Variants in UBE2E2 observed in about 807,000 individuals in gnomAD.
The protein encoded by UBE2E2 is ubiquitin conjugating enzyme E2 E2, also known as ubiquitin-conjugating enzyme E2 E2.
In UBE2E2, 6 loss-of-function variants were observed where a neutral mutation model predicts 24.7. The observed-to-expected ratio is 0.24, with a 90% CI of 0.13 to 0.48. The LOEUF (loss-of-function observed/expected upper bound fraction) is 0.48. Ranked by LOEUF, UBE2E2 falls within the 20% of genes least tolerant of loss-of-function variation. The pLI, the probability that UBE2E2 is intolerant of heterozygous loss-of-function variation, is 0.99. For synonymous variants in UBE2E2, 104 were observed against 83.6 expected, an observed-to-expected ratio of 1.24 and a Z score of -1.33; for missense variants, 169 against 245.0, an observed-to-expected ratio of 0.69 and a Z score of 2.07.
At chr3:23,253,621 C>G (rs2125347780) in intron 3 of UBE2E2, among the ~76,000 whole-genome samples, 1 of 152,148 alleles carries the variant, frequency 6.6e-6, no homozygotes, top group East Asian at 1.9e-4. Flanking sequence ...ATAAGGGGCT[C>G]TAGCTTATGG....
intron 2 of UBE2E2, among the ~76,000 whole-genome samples, chr3:23,214,961 T>C (rs1347952603): frequency 1.3e-5 from 2 of 152,152 alleles, no homozygotes; most frequent in Non-Finnish European, 2.9e-5. Context: ...TGAAGTAATA[T>C]CTTTTGATTC....
intron 3 of UBE2E2, among the ~76,000 whole-genome samples, chr3:23,410,364 T>C (rs1433326539): frequency 1.3e-5 from 2 of 152,180 alleles, no homozygotes; most frequent in Non-Finnish European, 2.9e-5. Context: ...TTTAAATTTT[T>C]CATTGCTCGC....
chr3:23,585,641 G>C (rs553607111), intron 5 of UBE2E2, among the ~76,000 whole-genome samples: 1 of 152,276 alleles, frequency 6.6e-6, no homozygotes, highest in Admixed American at 6.5e-5. Context: ...AACAGAAAAT[G>C]TGGGAGGCTT....
intron 4 of UBE2E2, among the ~76,000 whole-genome samples, chr3:23,517,707 G>A (rs571137934): frequency 6.6e-6 from 1 of 152,056 alleles, no homozygotes; most frequent in South Asian, 2.1e-4. Flanking sequence ...TCTTTATTTA[G>A]CTGTACATAC....
intron 5 of UBE2E2, among the ~76,000 whole-genome samples, chr3:23,564,770 A>G (rs1482037213): frequency 6.6e-6 from 1 of 152,110 alleles, no homozygotes; most frequent in Admixed American, 6.6e-5. Flanking sequence ...GGTTTCTACA[A>G]CTCATGTTCT....
intron 5 of UBE2E2, among the ~76,000 whole-genome samples, chr3:23,561,666 G>A (rs74444566): frequency 0.64 from 95,454 of 149,606 alleles, 31,442 homozygotes; most frequent in African/African-American, 0.8. Flanking sequence ...CTTGGGCAGT[G>A]TGGCCATTTT....
intron 3 of UBE2E2, among the ~76,000 whole-genome samples, chr3:23,322,814 ATAATT>A (rs1162338800): frequency 1.3e-5 from 2 of 151,978 alleles, no homozygotes; most frequent in Non-Finnish European, 2.9e-5. Context: ...TATTTTCTCT[ATAATT>A]TAATATTATC....
intron 3 of UBE2E2, among the ~76,000 whole-genome samples, chr3:23,351,554 G>C (rs995557350): frequency 8.6e-5 from 13 of 151,936 alleles, no homozygotes; most frequent in African/African-American, 3.1e-4. Flanking sequence ...CCAAGCAAAT[G>C]GAAAACGAAA....
intron 3 of UBE2E2, among the ~76,000 whole-genome samples, chr3:23,267,818 C>G (rs1314177356): frequency 4.0e-5 from 6 of 149,160 alleles, no homozygotes; most frequent in Non-Finnish European, 9.0e-5. Flanking sequence ...AAAATACTGG[C>G]AAACCGAATC....
intron 5 of UBE2E2, among the ~76,000 whole-genome samples, chr3:23,543,419 G>A (rs931756726): frequency 5.3e-5 from 8 of 151,972 alleles, no homozygotes; most frequent in African/African-American, 1.5e-4. Flanking sequence ...ATCAGCAACA[G>A]CCAAGCTGAG....
At chr3:23,400,361 G>T (rs953413156) in intron 3 of UBE2E2, among the ~76,000 whole-genome samples, 6 of 152,016 alleles carry the variant, frequency 3.9e-5, no homozygotes, top group Non-Finnish European at 5.9e-5. Flanking sequence ...TTTGAGTTGG[G>T]GTCTTTCTAT....
chr3:23,281,610 C>G (rs11129114), intron 3 of UBE2E2, among the ~76,000 whole-genome samples: 50,978 of 152,032 alleles, frequency 0.34, 8,785 homozygotes, highest in South Asian at 0.4. Flanking sequence ...TGCATTCCAG[C>G]CTGGGTGACA....
chr3:23,204,956 A>T lies in UBE2E2; in HGVS notation c.-9+1492A>T, dbSNP rs150716852. 2.0e-4 allele frequency among the ~76,000 whole-genome samples: 31 copies of T among 152,348 alleles called. No homozygotes were observed. The East Asian group carries it at 5.4e-3, about 26-fold the overall frequency. On this transcript the variant is annotated intron_variant, in intron 1 of 5. Coordinates refer to ENST00000396703, the MANE Select transcript of UBE2E2 (RefSeq NM_152653.4). ...CTTACCTGGGTAGTAGGCTGGATTT[A>T]TGGAATGACTATAGTTGCCTTTATG...
intron 3 of UBE2E2, among the ~76,000 whole-genome samples, chr3:23,390,576 T>G (rs1466091156): frequency 6.6e-6 from 1 of 152,024 alleles, no homozygotes; most frequent in Non-Finnish European, 1.5e-5. Flanking sequence ...GAGGGCAGAG[T>G]GTAAAAGGCT....
chr3:23,225,119 G>A (rs532015828), intron 3 of UBE2E2, among the ~76,000 whole-genome samples: 1 of 151,940 alleles, frequency 6.6e-6, no homozygotes, highest in Non-Finnish European at 1.5e-5. Flanking sequence ...TTCAAATCCT[G>A]CTCCATTTTT....
chr3:23,366,996 A>G (rs776034689), intron 3 of UBE2E2, among the ~76,000 whole-genome samples: 2 of 152,108 alleles, frequency 1.3e-5, no homozygotes, highest in African/African-American at 4.8e-5. Context: ...TGCTTCTATC[A>G]GTTTTTCTAA....
intron 4 of UBE2E2, among the ~76,000 whole-genome samples, chr3:23,512,281 G>A (rs912584087): frequency 1.5e-4 from 22 of 150,768 alleles, no homozygotes; most frequent in Non-Finnish European, 1.5e-4. Flanking sequence ...GCAGTGGCAC[G>A]ATCTCAGCTC....
At chr3:23,210,734 A>G (rs1696300294) in intron 2 of UBE2E2, among the ~76,000 whole-genome samples, 1 of 152,200 alleles carries the variant, frequency 6.6e-6, no homozygotes, top group African/African-American at 2.4e-5. Flanking sequence ...GCATTGGTGA[A>G]AATAGGAAGT....
intron 3 of UBE2E2, among the ~76,000 whole-genome samples, chr3:23,305,821 C>G (rs565703804): frequency 2.6e-5 from 4 of 152,272 alleles, no homozygotes; most frequent in Non-Finnish European, 5.9e-5. Flanking sequence ...CCTGGAGCTC[C>G]TGGGCTCAAG....
Sources: gnomAD v4.1 joint callset for allele counts (sites outside exome capture counted in the v4.1 genomes callset) on GRCh38, gnomAD v4.1.1 for gene constraint, MANE v1.5 for transcripts, NCBI Gene and HGNC (gene_info 2026-07-23, HGNC 2026-07-21) for gene names.